Variants in BNIPL observed in about 807,000 individuals in gnomAD.
BNIPL encodes the protein bcl-2/adenovirus E1B 19 kDa-interacting protein 2-like protein.
A neutral mutation model predicts 47.0 loss-of-function variants in BNIPL; 33 were observed. The observed-to-expected ratio is 0.70, with a 90% CI of 0.53 to 0.94. BNIPL has a LOEUF of 0.94. BNIPL is among the 40% of genes least tolerant of loss of function. The pLI is 0.00. For missense variants in BNIPL, 404 were observed against 445.2 expected (o/e 0.91, Z 0.83); for synonymous variants, 145 against 162.7 (o/e 0.89, Z 0.83).
intron 4 of BNIPL, 103 bp from the exon 5 acceptor site, chr1:151,042,853 A>G: frequency 2.1e-6 from 2 of 932,968 alleles, no homozygotes; most frequent in Admixed American, 3.0e-5. Flanking sequence ...GAAAAAATTG[A>G]GTAATGACAG....
In BNIPL at chr1:151,042,963, A is replaced by AC; in HGVS notation, c.445dup (p.Arg149ProfsTer9). Reference sequence around the variant, plus strand: ...CCCATCCCTCTCTTTTAGATGAACTACCCCGGGCAGAGGGTCTGGGCACCA... The same window carrying AC: ...CCCATCCCTCTCTTTTAGATGAACTACCCCCGGGCAGAGGGTCTGGGCACCA... On this transcript the variant is annotated frameshift_variant, in exon 5 of 10. Coordinates refer to ENST00000368931, the MANE Select transcript of BNIPL (RefSeq NM_138278.4). LOFTEE classifies it high-confidence loss of function. The AC allele has an allele frequency of 6.3e-7, 1 of 1,577,262 alleles. No homozygotes were observed. The highest frequency in any genetic ancestry group is 8.6e-7 in the Non-Finnish European group (1 of 1,168,562).
intron 4 of BNIPL, among the ~76,000 whole-genome samples, chr1:151,041,761 G>A (rs1419531990): frequency 6.6e-6 from 1 of 152,192 alleles, no homozygotes; most frequent in Non-Finnish European, 1.5e-5. Flanking sequence ...ATCACCTGAG[G>A]TCAGGAGTTT....
rs587741752 is a variant in BNIPL, at chr1:151,043,013, G to A, written c.491G>A (p.Arg164Gln). The A allele has an allele frequency of 1.9e-5, 31 of 1,611,008 alleles. No individual in the cohort carries two copies. In the East Asian group the frequency reaches 3.6e-4, roughly 19 times the overall value. ...AGTGAGACAGCTGAAAGGCTGGGCC[G>A]AGGTTGTATGTGGGATGTGACTGGA... ...GTSETAERLGRGCMWDVTGED... is the reference protein window; with the variant it reads ...GTSETAERLGQGCMWDVTGED... The change falls in exon 5 of 10, where the codon CGA becomes CAA. Residue 164 changes from arginine to glutamine, a missense_variant. Arg to Gln is a conservative substitution (Grantham distance 43). Transcript: ENST00000368931.
chr1:151,039,634 A>G (rs1352189867), intron 4 of BNIPL, among the ~76,000 whole-genome samples: 5 of 152,168 alleles, frequency 3.3e-5, no homozygotes, highest in Non-Finnish European at 7.4e-5. Context: ...TGAAGAGAGA[A>G]TGACAAAAGA....
At chr1:151,041,033 A>T (rs587635555) in intron 4 of BNIPL, among the ~76,000 whole-genome samples, 22 of 151,766 alleles carry the variant, frequency 1.4e-4, no homozygotes, top group African/African-American at 4.4e-4. Flanking sequence ...AATTTTTTTT[A>T]AATTGGCTGG....
chr1:151,045,697 A>G (rs886823530), intron 7 of BNIPL, 100 bp from the exon 8 acceptor site: 12 of 1,578,928 alleles, frequency 7.6e-6, no homozygotes, highest in Non-Finnish European at 1.0e-5. Flanking sequence ...TAGAAACTAG[A>G]GAAGTGAATG....
chr1:151,042,945 C>CTCTCTTTTAGATGAACTACCCCGG lies in BNIPL; in HGVS notation c.434-10_447dup. On this transcript the variant is annotated splice_polypyrimidine_tract_variant and intron_variant, in intron 4 of 9. Transcript: ENST00000368931. ...CTGCCTTGTTGATCCTTCCCCATCC[C>CTCTCTTTTAGATGAACTACCCCGG]TCTCTTTTAGATGAACTACCCCGGG... The CTCTCTTTTAGATGAACTACCCCGG allele has an allele frequency of 1.3e-6, 2 of 1,526,382 alleles. No individual in the cohort carries two copies. The allele number at this position is 1,526,382 out of a possible 1,614,324, so 94.6% of individuals were successfully genotyped here. A position where few individuals can be genotyped will look rare whatever the true frequency, so the allele number is the denominator to read the frequency against.
intron 4 of BNIPL, among the ~76,000 whole-genome samples, chr1:151,039,858 CTTG>C (rs1460684156): frequency 6.6e-6 from 1 of 152,148 alleles, no homozygotes; most frequent in East Asian, 1.9e-4. Flanking sequence ...TCAAGTGATT[CTTG>C]TTCCTCAGCC....
At chr1:151,046,224 T>C (rs1676018658) in intron 9 of BNIPL, 59 bp downstream of exon 9, 1 of 1,598,548 alleles carries the variant, frequency 6.3e-7, no homozygotes, top group Admixed American at 1.7e-5. Flanking sequence ...CAATCTCTAC[T>C]TTTTTAATGC....
chr1:151,038,736 G>A, intron 3 of BNIPL, 60 bp from the exon 4 acceptor site: 2 of 1,549,336 alleles, frequency 1.3e-6, no homozygotes, highest in Non-Finnish European at 1.7e-6. Context: ...AGGAATTCTA[G>A]CCCTCTCGGC....
rs1282123179 is a variant in BNIPL at position 151,038,848 on chromosome 1, G to A, written c.255G>A (p.Lys85=). ...LALCGQRPMR[K]RLSAPELRLS... ...TGTGTGGCCAGCGCCCCATGCGCAA[G>A]CGTCTTTCTGCCCCAGAGTTGCGGC... Residue 85 remains lysine, a synonymous_variant, in exon 4 of 10, where the codon AAG becomes AAA. Transcript: ENST00000368931. 3 of 1,613,374 alleles carry A rather than the reference G, an allele frequency of 1.9e-6. No individual in the cohort carries two copies. The highest frequency in any genetic ancestry group is 4.5e-5 in the East Asian group (2 of 44,880).
Position 151,045,727 on chromosome 1 carries a change from A to T in BNIPL, c.852-70A>T, listed in dbSNP as rs1446808078. On this transcript the variant is annotated intron_variant, in intron 7 of 9. Transcript: ENST00000368931. ...TGAATGAAGGAAGTTACAGTACAGA[A>T]AACAGTTCCACGTGATCTTCACACA... 3.1e-6 allele frequency: 5 copies of T among 1,611,750 alleles called. No individual in the cohort carries two copies. The East Asian group carries it at 8.9e-5, about 29-fold the overall frequency.
At position 151,038,912 on chromosome 1, in the gene BNIPL, C is replaced by T; in HGVS notation, c.319C>T (p.Pro107Ser). Residue 107 changes from proline (P) to serine (S), a missense_variant, in exon 4 of 10, where the codon CCC becomes TCC. Physicochemically the swap from Pro to Ser is moderately conservative, Grantham distance 74. Coordinates refer to ENST00000368931, the MANE Select transcript of BNIPL (RefSeq NM_138278.4). Reference protein sequence around the residue: ...TKGPGNDGASPTQSAPSSPDG... With the variant: ...TKGPGNDGASSTQSAPSSPDG... ...GGGGCCTGGAAATGATGGAGCTTCA[C>T]CCACCCAGTCTGCACCTTCCTCTCC... 2 of 1,614,052 alleles carry T rather than the reference C, an allele frequency of 1.2e-6. No individual in the cohort carries two copies. Among genetic ancestry groups the T allele is most frequent in the Non-Finnish European group, 1.7e-6 (2 of 1,179,972 alleles).
rs746790931 is a variant in BNIPL at position 151,037,521 on chromosome 1, C to G, written c.42-46C>G. 4 of 1,556,378 alleles carry G rather than the reference C, an allele frequency of 2.6e-6. No homozygotes were observed. In the South Asian group the frequency reaches 4.7e-5, roughly 18 times the overall value. Reference sequence around the variant, plus strand: ...TGTTCTTCATTTCAATTATTCTTACCTACTATTCAGTTCCCTTGATCTTTT... The same window carrying G: ...TGTTCTTCATTTCAATTATTCTTACGTACTATTCAGTTCCCTTGATCTTTT... On this transcript the variant is annotated intron_variant, in intron 1 of 9. Transcript: ENST00000368931.
At position 151,043,145 on chromosome 1, in the gene BNIPL, G is replaced by A; in HGVS notation, c.616+7G>A. 1 of 1,609,704 alleles carries A rather than the reference G, an allele frequency of 6.2e-7. No individual in the cohort carries two copies. Among genetic ancestry groups the A allele is most frequent in the Non-Finnish European group, 8.5e-7 (1 of 1,176,216 alleles). ...AAAGTCCTGTCTCATGGAGGTAATGGCTAGCATAATGCAGGTGTTAAGAGC... is the reference window on the plus strand; with the variant it reads ...AAAGTCCTGTCTCATGGAGGTAATGACTAGCATAATGCAGGTGTTAAGAGC... On this transcript the variant is annotated splice_region_variant and intron_variant, in intron 5 of 9. Coordinates refer to ENST00000368931, the MANE Select transcript of BNIPL (RefSeq NM_138278.4).
At chr1:151,038,100 C>T (rs587678261) in intron 2 of BNIPL, among the ~76,000 whole-genome samples, 7 of 147,256 alleles carry the variant, frequency 4.8e-5, no homozygotes, top group East Asian at 2.0e-4. Flanking sequence ...AGAGGCCGGG[C>T]GTGGTGGCTG....
At position 151,046,660 on chromosome 1, in the gene BNIPL, G is replaced by A. The variant is rs1369080166; in HGVS notation, c.1047G>A (p.Arg349=). 5.6e-6 allele frequency: 9 copies of A among 1,603,042 alleles called. No individual in the cohort carries two copies. The highest frequency in any genetic ancestry group is 6.0e-6 in the Non-Finnish European group (7 of 1,173,594). The change falls in exon 10 of 10, where the codon CGG becomes CGA. Residue 349 remains arginine (R), a synonymous_variant. Coordinates refer to ENST00000368931, the MANE Select transcript of BNIPL (RefSeq NM_138278.4). ...CCTCTCCCTCTCCTAGGCTGGACCG[G>A]GATCTCCATGGCTCAGGAGGGACAT... ...HIPEAVRQLD[R]DLHGSGGT
chr1:151,046,690 C>G lies in BNIPL; in HGVS notation c.*3C>G, dbSNP rs771040190. 53 of 1,595,146 alleles carry G rather than the reference C, an allele frequency of 3.3e-5. No homozygotes were observed. The South Asian group carries it at 4.2e-4, about 13-fold the overall frequency. ...TCCATGGCTCAGGAGGGACATAGCACAGGACTGGATAAAAGGCCTTAGAAC... is the reference window on the plus strand; with the variant it reads ...TCCATGGCTCAGGAGGGACATAGCAGAGGACTGGATAAAAGGCCTTAGAAC... On this transcript the variant is annotated 3_prime_UTR_variant, in exon 10 of 10. Coordinates refer to ENST00000368931, the MANE Select transcript of BNIPL (RefSeq NM_138278.4).
intron 7 of BNIPL, chr1:151,044,793 C>T: frequency 1.6e-6 from 2 of 1,260,220 alleles, no homozygotes; most frequent in African/African-American, 1.6e-5. Context: ...TTTTTTTTCC[C>T]CTTTTGGTTC....
Sources: allele counts gnomAD v4.1 joint callset (sites outside exome capture counted in the v4.1 genomes callset), GRCh38; gene constraint gnomAD v4.1.1; transcripts MANE v1.5; gene names NCBI Gene and HGNC (gene_info 2026-07-23, HGNC 2026-07-21).